SNX7: variants seen among roughly 807,000 people sequenced by gnomAD.
The protein encoded by SNX7 is sorting nexin 7, also known as sorting nexin-7.
A neutral mutation model predicts 48.4 loss-of-function variants in SNX7; 35 were observed. That is an observed-to-expected ratio of 0.72 (90% confidence interval 0.55 to 0.96). SNX7 has a LOEUF of 0.96. Among genes scored for constraint, SNX7 ranks in the 40% least tolerant of loss-of-function variants. SNX7 has a pLI of 0.00. For synonymous variants in SNX7, 190 were observed against 190.2 expected (o/e 1.00, Z 0.01); for missense variants, 553 against 548.9 (o/e 1.01, Z -0.07).
At chr1:98,718,930 C>G (rs1462810511) in intron 7 of SNX7, among the ~76,000 whole-genome samples, 2 of 152,086 alleles carry the variant, frequency 1.3e-5, no homozygotes, top group South Asian at 4.1e-4. Flanking sequence ...ATTTATTTAA[C>G]CTGACCCCTG....
At chr1:98,706,089 T>G (rs1175788484) in intron 7 of SNX7, among the ~76,000 whole-genome samples, 2 of 152,144 alleles carry the variant, frequency 1.3e-5, no homozygotes, top group Non-Finnish European at 1.5e-5. Flanking sequence ...ACAAAAACTT[T>G]TCAGCAAAGT....
intron 4 of SNX7, among the ~76,000 whole-genome samples, chr1:98,692,290 G>A (rs1427263076): frequency 1.3e-5 from 2 of 152,042 alleles, no homozygotes; most frequent in East Asian, 3.8e-4. Flanking sequence ...TCCTAAGGAA[G>A]ACAAAATATA....
chr1:98,688,502 T>G (rs990811679), intron 2 of SNX7, among the ~76,000 whole-genome samples: 1 of 152,212 alleles, frequency 6.6e-6, no homozygotes, highest in Non-Finnish European at 1.5e-5. Flanking sequence ...TATAAATGCC[T>G]GTCATTGTAT....
intron 6 of SNX7, among the ~76,000 whole-genome samples, chr1:98,700,566 A>G (rs1459167920): frequency 6.6e-6 from 1 of 150,982 alleles, no homozygotes; most frequent in African/African-American, 2.4e-5. Flanking sequence ...TTTTTAAGAG[A>G]CATGGTCTCA....
chr1:98,668,330 A>C (rs1289039026), intron 1 of SNX7, among the ~76,000 whole-genome samples: 1 of 152,216 alleles, frequency 6.6e-6, no homozygotes, highest in East Asian at 1.9e-4. Context: ...TGTAAATTTG[A>C]ACTCTCCATG....
intron 7 of SNX7, among the ~76,000 whole-genome samples, chr1:98,736,865 T>G (rs1653806134): frequency 6.6e-6 from 1 of 152,198 alleles, no homozygotes; most frequent in South Asian, 2.1e-4. Flanking sequence ...GGAATTCTTT[T>G]TAAAAGATGG....
At chr1:98,748,752 T>C (rs1274665057) in intron 8 of SNX7, among the ~76,000 whole-genome samples, 1 of 151,934 alleles carries the variant, frequency 6.6e-6, no homozygotes, top group African/African-American at 2.4e-5. Flanking sequence ...CTGCATTAGC[T>C]AATTATAAAG....
At chr1:98,661,323 C>G (rs1477284665), upstream of SNX7, among the ~76,000 whole-genome samples, 1 of 151,198 alleles carries the variant, frequency 6.6e-6, no homozygotes, top group African/African-American at 2.4e-5. Context: ...GGGTCGGGTG[C>G]CTTCCAGCCT....
At chr1:98,670,197 A>G (rs1473069586) in intron 1 of SNX7, among the ~76,000 whole-genome samples, 1 of 152,198 alleles carries the variant, frequency 6.6e-6, no homozygotes, top group African/African-American at 2.4e-5. Flanking sequence ...CCTGAACAAA[A>G]TCTCCCATTT....
At chr1:98,674,886 C>T (rs1240850678) in intron 1 of SNX7, among the ~76,000 whole-genome samples, 2 of 152,188 alleles carry the variant, frequency 1.3e-5, no homozygotes, top group African/African-American at 4.8e-5. Flanking sequence ...CAGCCTGAAC[C>T]CATCCCAGGA....
At chr1:98,664,225 A>C (rs1372084607) in intron 1 of SNX7, among the ~76,000 whole-genome samples, 2 of 152,168 alleles carry the variant, frequency 1.3e-5, no homozygotes, top group Non-Finnish European at 2.9e-5. Context: ...TTATTTGTGA[A>C]TATGTGTCTG....
Position 98,661,878 on chromosome 1 carries a change from C to CGAGGAA in SNX7, c.152_153insAGAGGA (p.Glu50_Asp51insGluGlu). On this transcript the variant is annotated inframe_insertion, in exon 1 of 9. Coordinates refer to ENST00000306121, the MANE Select transcript of SNX7 (RefSeq NM_015976.5). ...TGCAGGCGGAGGTGCTGGATCTGGA[C>CGAGGAA]GAGGACGAGGACGACCTGGAGGTGT... is the stretch of plus-strand genomic sequence containing the variant. 1 of 1,246,798 alleles carries CGAGGAA rather than the reference C, an allele frequency of 8.0e-7. No homozygotes were observed. Among genetic ancestry groups the CGAGGAA allele is most frequent in the Non-Finnish European group, 1.0e-6 (1 of 987,290 alleles). 77.2% of individuals were successfully genotyped at this position (1,246,798 alleles called of 1,614,324 possible).
At chr1:98,745,059 A>G (rs1289425580) in intron 8 of SNX7, among the ~76,000 whole-genome samples, 7 of 152,072 alleles carry the variant, frequency 4.6e-5, no homozygotes, top group Non-Finnish European at 1.0e-4. Flanking sequence ...ACAGTCATCT[A>G]ATACTTGCTC....
chr1:98,754,340 CTTTGGCTCTGGTAT>C (rs1654739931), intron 8 of SNX7, among the ~76,000 whole-genome samples: 3 of 151,964 alleles, frequency 2.0e-5, no homozygotes, highest in African/African-American at 7.2e-5. Context: ...CTTGGAATGT[CTTTGGCTCTGGTAT>C]TTTGGACAGC....
intron 1 of SNX7, among the ~76,000 whole-genome samples, chr1:98,674,832 T>A (rs1241249610): frequency 6.6e-6 from 1 of 152,192 alleles, no homozygotes; most frequent in Non-Finnish European, 1.5e-5. Context: ...GACCATGAAT[T>A]CTTGCAACAC....
At chr1:98,756,072 A>C (rs1044370028) in intron 8 of SNX7, among the ~76,000 whole-genome samples, 1 of 151,988 alleles carries the variant, frequency 6.6e-6, no homozygotes, top group African/African-American at 2.4e-5. Context: ...TATTAGATGT[A>C]ACTCTTTTGT....
At position 98,738,085 on chromosome 1, in the gene SNX7, T is replaced by G. The variant is rs1476967370; in HGVS notation, c.1126-152T>G. On this transcript the variant is annotated intron_variant, in intron 7 of 8. Transcript: ENST00000306121. Reference sequence around the variant, plus strand: ...CTGACTGAACCCCTGTTCTTTTTACTTTAATTAGTACACAGAGTAAATACT... The same window carrying G: ...CTGACTGAACCCCTGTTCTTTTTACGTTAATTAGTACACAGAGTAAATACT... 3 of 759,012 alleles carry G rather than the reference T, an allele frequency of 4.0e-6. No homozygotes were observed. The Admixed American group carries it at 9.2e-5, about 23-fold the overall frequency. 47.0% of individuals were successfully genotyped at this position (759,012 alleles called of 1,614,324 possible). A position where few individuals can be genotyped will look rare whatever the true frequency, so the allele number is the denominator to read the frequency against.
chr1:98,755,525 T>C (rs1411170914), intron 8 of SNX7, among the ~76,000 whole-genome samples: 1 of 152,056 alleles, frequency 6.6e-6, no homozygotes, highest in Admixed American at 6.6e-5. Context: ...AATGATCATC[T>C]TTATCTCTGA....
intron 8 of SNX7, among the ~76,000 whole-genome samples, chr1:98,756,147 C>T (rs1426318024): frequency 6.6e-6 from 1 of 151,840 alleles, no homozygotes; most frequent in Non-Finnish European, 1.5e-5. Flanking sequence ...TTAAATTTAT[C>T]ATAGTCTACC....
Sources: gnomAD v4.1 joint callset for allele counts (sites outside exome capture counted in the v4.1 genomes callset) on GRCh38, gnomAD v4.1.1 for gene constraint, MANE v1.5 for transcripts, NCBI Gene and HGNC (gene_info 2026-07-23, HGNC 2026-07-21) for gene names.